Variants in ATP11B observed in about 807,000 individuals in gnomAD.
The protein encoded by ATP11B is ATPase phospholipid transporting 11B (putative), also known as phospholipid-transporting ATPase IF.
In ATP11B, 81 loss-of-function variants were observed where a neutral mutation model predicts 157.8. The ratio of observed to expected loss-of-function variants is 0.51; its 90% CI spans 0.43 to 0.62. The LOEUF (loss-of-function observed/expected upper bound fraction) is 0.62. Among genes scored for constraint, ATP11B ranks in the 20% least tolerant of loss-of-function variants. The pLI is 0.00. For synonymous variants in ATP11B, 451 were observed against 469.4 expected (o/e 0.96, Z 0.51); for missense variants, 1,165 against 1,402.2 (o/e 0.83, Z 2.70).
At chr3:182,877,725 T>C (rs1301887322) in intron 19 of ATP11B, among the ~76,000 whole-genome samples, 1 of 152,026 alleles carries the variant, frequency 6.6e-6, no homozygotes, top group African/African-American at 2.4e-5. Context: ...GAAATAATTA[T>C]AAAGTATGGC....
intron 1 of ATP11B, among the ~76,000 whole-genome samples, chr3:182,812,398 A>G (rs747860534): frequency 1.8e-4 from 27 of 152,338 alleles, no homozygotes; most frequent in Admixed American, 9.1e-4. Context: ...TACTGCAGCC[A>G]TAAAATTTAC....
At chr3:182,821,761 C>T (rs1284403171) in intron 2 of ATP11B, among the ~76,000 whole-genome samples, 6 of 152,116 alleles carry the variant, frequency 3.9e-5, no homozygotes, top group Admixed American at 1.3e-4. Context: ...GTGGCTTGGA[C>T]GGTACAGTTA....
At chr3:182,857,765 CAG>C in intron 10 of ATP11B, 111 bp from the exon 11 acceptor site, 1 of 577,852 alleles carries the variant, frequency 1.7e-6, no homozygotes, top group Non-Finnish European at 3.0e-6. Context: ...AAAATAGTTA[CAG>C]TAATACCCTC....
chr3:182,845,362 GCTATAGCTTAAGTACCTT>G, intron 8 of ATP11B, 78 bp from the exon 9 acceptor site: 1 of 1,055,182 alleles, frequency 9.5e-7, no homozygotes, highest in South Asian at 1.6e-5. Flanking sequence ...TGGTGTTATG[GCTATAGCTTAAGTACCTT>G]CTGCTGAAGA....
chr3:182,863,705 T>A (rs912398818), intron 12 of ATP11B, among the ~76,000 whole-genome samples: 1 of 150,218 alleles, frequency 6.7e-6, no homozygotes, highest in Admixed American at 6.6e-5. Flanking sequence ...CTTCTTGATT[T>A]TATATATATA....
intron 26 of ATP11B, 121 bp downstream of exon 26, chr3:182,896,886 T>A (rs1723588730): frequency 1.4e-6 from 1 of 716,676 alleles, no homozygotes; most frequent in African/African-American, 1.8e-5. Context: ...ACGATTAATT[T>A]CACTGGTTAC....
At chr3:182,898,482 A>G (rs1218430731) in intron 27 of ATP11B, 125 bp from the exon 28 acceptor site, 1 of 604,218 alleles carries the variant, frequency 1.7e-6, no homozygotes, top group East Asian at 3.1e-5. Context: ...ATTAAATTAT[A>G]CTGATTTCAG....
intron 4 of ATP11B, among the ~76,000 whole-genome samples, chr3:182,831,981 G>A (rs1429245893): frequency 6.6e-6 from 1 of 152,102 alleles, no homozygotes; most frequent in East Asian, 1.9e-4. Context: ...ATGAATGAAT[G>A]AACTTATTGG....
At chr3:182,813,705 G>A (rs944251930) in intron 1 of ATP11B, among the ~76,000 whole-genome samples, 16 of 151,964 alleles carry the variant, frequency 1.1e-4, no homozygotes, top group African/African-American at 3.4e-4. Flanking sequence ...ATTCAGTTTG[G>A]TAGACATTTG....
At chr3:182,914,209 A>G in intron 29 of ATP11B, 6 of 1,360,754 alleles carry the variant, frequency 4.4e-6, no homozygotes, top group Non-Finnish European at 5.6e-6. Flanking sequence ...GCACCTTTGA[A>G]GAGACTTCAT....
intron 24 of ATP11B, among the ~76,000 whole-genome samples, chr3:182,887,977 A>G (rs953623787): frequency 2.0e-5 from 3 of 152,224 alleles, no homozygotes; most frequent in Non-Finnish European, 4.4e-5. Flanking sequence ...CTCGCAAACC[A>G]GTAATATTCT....
At position 182,920,760 on chromosome 3, in the gene ATP11B, A is replaced by C. The variant is rs1725428768; in HGVS notation, c.*2656A>C. 6.6e-6 allele frequency: 1 copy of C among 152,234 alleles called. No individual in the cohort carries two copies. The highest frequency in any genetic ancestry group is 2.1e-4 in the South Asian group (1 of 4,824). The allele number at this position is 152,234 out of a possible 1,614,324, so 9.4% of individuals were successfully genotyped here. A position where few individuals can be genotyped will look rare whatever the true frequency, so the allele number is the denominator to read the frequency against. On this transcript the variant is annotated 3_prime_UTR_variant, in exon 30 of 30. Coordinates refer to ENST00000323116, the MANE Select transcript of ATP11B (RefSeq NM_014616.3). ...CGTAGGCTCACCCTGGGCGGAGCAA[A>C]GTATGGGCCAGGGAGAACTACAGCT... is the stretch of plus-strand genomic sequence containing the variant.
chr3:182,902,349 G>A (rs2108584703), intron 28 of ATP11B: 2 of 304,294 alleles, frequency 6.6e-6, no homozygotes, highest in South Asian at 3.9e-5. Context: ...TCATGTATGT[G>A]TATCACGTAT....
chr3:182,877,719 T>G (rs1270271947), intron 19 of ATP11B, among the ~76,000 whole-genome samples: 2 of 151,906 alleles, frequency 1.3e-5, no homozygotes, highest in African/African-American at 4.8e-5. Flanking sequence ...TTCAAGGAAA[T>G]AATTATAAAG....
intron 1 of ATP11B, among the ~76,000 whole-genome samples, chr3:182,812,090 T>G (rs1295917594): frequency 2.6e-5 from 4 of 152,240 alleles, no homozygotes; most frequent in African/African-American, 7.2e-5. Flanking sequence ...AGGACATCTT[T>G]TTTTACTTCA....
intron 1 of ATP11B, among the ~76,000 whole-genome samples, chr3:182,815,556 A>T (rs1410463780): frequency 6.6e-6 from 1 of 152,130 alleles, no homozygotes; most frequent in Non-Finnish European, 1.5e-5. Flanking sequence ...ACTTTCTGTC[A>T]TGAATGTGAT....
At chr3:182,862,239 C>T (rs1289180426) in intron 12 of ATP11B, among the ~76,000 whole-genome samples, 1 of 101,404 alleles carries the variant, frequency 9.9e-6, no homozygotes, top group African/African-American at 2.6e-5. Flanking sequence ...CAGATTGTGC[C>T]ATTGCACTCC....
intron 1 of ATP11B, among the ~76,000 whole-genome samples, chr3:182,814,628 T>C (rs1287483010): frequency 6.6e-6 from 1 of 151,904 alleles, no homozygotes; most frequent in Non-Finnish European, 1.5e-5. Context: ...GGCAACACAG[T>C]GAGACCCCAT....
chr3:182,880,953 C>T lies in ATP11B; in HGVS notation c.2481C>T (p.Ser827=). ...LAVGDGANDV[S]MIQEAHVGIG... Reference sequence around the variant, plus strand: ...TTGGTGATGGTGCTAATGACGTAAGCATGATACAAGAAGCCCATGTTGGCA... The same window carrying T: ...TTGGTGATGGTGCTAATGACGTAAGTATGATACAAGAAGCCCATGTTGGCA... Residue 827 remains serine, a synonymous_variant, in exon 21 of 30, where the codon AGC becomes AGT. Transcript: ENST00000323116. 6.3e-7 allele frequency: 1 copy of T among 1,594,974 alleles called. No homozygotes were observed. The highest frequency in any genetic ancestry group is 8.5e-7 in the Non-Finnish European group (1 of 1,171,944).
Sources: allele counts gnomAD v4.1 joint callset (sites outside exome capture counted in the v4.1 genomes callset), GRCh38; gene constraint gnomAD v4.1.1; transcripts MANE v1.5; gene names NCBI Gene and HGNC (gene_info 2026-07-23, HGNC 2026-07-21).